The following PHF1 variants were observed in gnomAD, a reference collection of about 807,000 sequenced individuals.
PHF1 encodes the protein polycomb-like 1.
Under a neutral mutation model 69.4 loss-of-function variants are expected in PHF1, and 16 were observed. That is an observed-to-expected ratio of 0.23 (90% CI 0.16 to 0.35). The LOEUF is 0.35. Ranked by LOEUF, PHF1 falls within the 10% of genes least tolerant of loss-of-function variation. The probability of loss-of-function intolerance (pLI) is 1.00; values close to 1 mark genes in which losing one functional copy is unlikely to be tolerated. For missense variants in PHF1, 515 were observed against 732.8 expected (o/e 0.70, Z 3.43); for synonymous variants, 274 against 275.0 (o/e 1.00, Z 0.04).
Position 33,416,321 on chromosome 6 carries a change from T to G in PHF1, c.*223T>G. The G allele has an allele frequency of 2.1e-6, 1 of 476,700 alleles. No individual in the cohort carries two copies. The highest frequency in any genetic ancestry group is 3.7e-6 in the Non-Finnish European group (1 of 271,722). The allele number at this position is 476,700 out of a possible 1,614,324, so 29.5% of individuals were successfully genotyped here. On this transcript the variant is annotated 3_prime_UTR_variant, in exon 15 of 15. Transcript: ENST00000374516. ...CCTTCCCATTTCCTTTGATGTTATT[T>G]TGTTACAGCTTTTTAAATATTTTTT... is the stretch of plus-strand genomic sequence containing the variant.
At chr6:33,410,983 G>GTCCCTCCCCTCCC (rs1370006596), upstream of PHF1, 7 of 94,968 alleles carry the variant, frequency 7.4e-5, no homozygotes, top group African/African-American at 2.5e-4. Context: ...CAACCGGTCC[G>GTCCCTCCCCTCCC]TCCCTCCCCT....
intron 4 of PHF1, 139 bp from the exon 5 acceptor site, chr6:33,413,057 C>A (rs1334308099): frequency 3.6e-6 from 3 of 844,974 alleles, no homozygotes; most frequent in Non-Finnish European, 6.0e-6. Flanking sequence ...GCCTCAGTTC[C>A]CTGACTTGTA....
intron 14 of PHF1, 31 bp from the exon 15 acceptor site, chr6:33,415,779 C>T (rs757902427): frequency 1.3e-6 from 2 of 1,596,730 alleles, no homozygotes; most frequent in Non-Finnish European, 1.7e-6. Context: ...TCCATTTCTG[C>T]CCATTTCTTA....
chr6:33,412,676 G>A lies in PHF1; in HGVS notation c.242-22G>A. On this transcript the variant is annotated intron_variant, in intron 3 of 14. Transcript: ENST00000374516. The surrounding 1 kb of genome is among the most constrained non-coding windows in gnomAD (Gnocchi z 4.2). The stretch of plus-strand genomic sequence containing the variant: ...AGAAAGAGACTTAAAGGCAGGCCCT[G>A]TGACACTGTGTTCTCTCACAGCTGC... 6.2e-7 allele frequency: 1 copy of A among 1,612,938 alleles called. No individual in the cohort carries two copies. Among genetic ancestry groups the A allele is most frequent in the Non-Finnish European group, 8.5e-7 (1 of 1,178,862 alleles).
Position 33,414,410 on chromosome 6 carries a change from A to G in PHF1, c.876+44A>G. On this transcript the variant is annotated intron_variant, in intron 9 of 14. Coordinates refer to ENST00000374516, the MANE Select transcript of PHF1 (RefSeq NM_024165.3). This position sits in a 1 kb window ranked among gnomAD's most constrained non-coding sequence, Gnocchi z 5.0. ...TTGGGGGTTGGGATGGGACAGGGAG[A>G]TGTAGCGGAAAGGGGAAGAGAAGAA... 1 of 1,613,584 alleles carries G rather than the reference A, an allele frequency of 6.2e-7. No homozygotes were observed. The highest frequency in any genetic ancestry group is 1.1e-5 in the South Asian group (1 of 91,060).
At position 33,412,247 on chromosome 6, in the gene PHF1, GGCCCCCCCAGGATGCAATGGCGCA is replaced by G; in HGVS notation, c.-8_16del. 6.2e-7 allele frequency: 1 copy of G among 1,600,550 alleles called. No individual in the cohort carries two copies. Among genetic ancestry groups the G allele is most frequent in the Non-Finnish European group, 8.6e-7 (1 of 1,169,290 alleles). On this transcript the variant is annotated start_lost and splice_region_variant and 5_prime_UTR_variant, in exon 2 of 15. Coordinates refer to ENST00000374516, the MANE Select transcript of PHF1 (RefSeq NM_024165.3). The surrounding 1 kb of genome is among the most constrained non-coding windows in gnomAD (Gnocchi z 4.2). Reference sequence around the variant, plus strand: ...CTCCTCCCCATTTCTTTTCTGGCTAGGCCCCCCCAGGATGCAATGGCGCAGCCCCCCCGGCTGAGCCGCTCTGGT... The same window carrying G: ...CTCCTCCCCATTTCTTTTCTGGCTAGGCCCCCCCGGCTGAGCCGCTCTGGT...
upstream of PHF1, chr6:33,410,773 ATC>A (rs1363005322): frequency 1.3e-5 from 2 of 151,806 alleles, no homozygotes; most frequent in Non-Finnish European, 2.9e-5. Context: ...CCAAGGGCGA[ATC>A]TCAGGTCGGA....
At position 33,412,892 on chromosome 6, in the gene PHF1, GC is replaced by G; in HGVS notation, c.337+101del. ...CCTTAGTCCCCAAGCCACTGCTCTGGCCAGGCTGCTTAGCCTTATCTTAGTC... is the reference window on the plus strand; with the variant it reads ...CCTTAGTCCCCAAGCCACTGCTCTGGCAGGCTGCTTAGCCTTATCTTAGTC... On this transcript the variant is annotated intron_variant, in intron 4 of 14. Transcript: ENST00000374516. This position sits in a 1 kb window ranked among gnomAD's most constrained non-coding sequence, Gnocchi z 4.2. The G allele has an allele frequency of 9.7e-7, 1 of 1,025,832 alleles. No homozygotes were observed. The highest frequency in any genetic ancestry group is 1.5e-6 in the Non-Finnish European group (1 of 657,950). The allele number at this position is 1,025,832 out of a possible 1,614,324, so 63.5% of individuals were successfully genotyped here.
chr6:33,410,677 T>TG (rs1390284715), upstream of PHF1: 3 of 27,732 alleles, frequency 1.1e-4, no homozygotes, highest in Admixed American at 1.5e-3. Context: ...GGAGTGACCA[T>TG]GGGGGGTGGG....
At position 33,414,264 on chromosome 6, in the gene PHF1, C is replaced by T. The variant is rs1776279904; in HGVS notation, c.774C>T (p.Val258=). The T allele has an allele frequency of 6.2e-7, 1 of 1,614,110 alleles. No individual in the cohort carries two copies. The highest frequency in any genetic ancestry group is 8.5e-7 in the Non-Finnish European group (1 of 1,180,028). ...QLRWVDVAHL[V]LYHLSVCCKK... ...CCAGGGTGGATGTGGCCCATCTTGT[C>T]CTGTATCACCTCAGTGTTTGCTGTA... The change falls in exon 9 of 15, where the codon GTC becomes GTT. Residue 258 remains valine (V), a synonymous_variant. Coordinates refer to ENST00000374516, the MANE Select transcript of PHF1 (RefSeq NM_024165.3). The surrounding 1 kb of genome is among the most constrained non-coding windows in gnomAD (Gnocchi z 5.0).
chr6:33,414,159 C>T lies in PHF1; in HGVS notation c.752+50C>T. 6.2e-7 allele frequency: 1 copy of T among 1,613,680 alleles called. No homozygotes were observed. The highest frequency in any genetic ancestry group is 8.5e-7 in the Non-Finnish European group (1 of 1,179,606). ...AGTGTAACTCCACACCACAGTATTT[C>T]ACTCTATATGCCCCAACCTCCCACC... On this transcript the variant is annotated intron_variant, in intron 8 of 14. Coordinates refer to ENST00000374516, the MANE Select transcript of PHF1 (RefSeq NM_024165.3). This position sits in a 1 kb window ranked among gnomAD's most constrained non-coding sequence, Gnocchi z 5.0.
rs763179268 is a variant in PHF1 at position 33,415,382 on chromosome 6, C to G, written c.1334+53C>G. The G allele has an allele frequency of 2.8e-6, 4 of 1,419,076 alleles. No homozygotes were observed. The East Asian group carries it at 9.2e-5, about 32-fold the overall frequency. 87.9% of individuals were successfully genotyped at this position (1,419,076 alleles called of 1,614,324 possible). ...AAAATATGCTCCCAATTATTCACAT[C>G]TTCTGGACTTTATCACCCAGAATTC... On this transcript the variant is annotated intron_variant, in intron 13 of 14. Coordinates refer to ENST00000374516, the MANE Select transcript of PHF1 (RefSeq NM_024165.3).
In PHF1 at chr6:33,414,590, T is replaced by A; in HGVS notation, c.944+46T>A. The A allele has an allele frequency of 6.3e-7, 1 of 1,598,740 alleles. No homozygotes were observed. Among genetic ancestry groups the A allele is most frequent in the South Asian group, 1.1e-5 (1 of 90,706 alleles). The stretch of plus-strand genomic sequence containing the variant: ...GGCAAGGATGAGGCTCGGAAAGAGA[T>A]GGAGAGTGGAAGCCTGGAAGGGGAG... On this transcript the variant is annotated intron_variant, in intron 10 of 14. Coordinates refer to ENST00000374516, the MANE Select transcript of PHF1 (RefSeq NM_024165.3). This position sits in a 1 kb window ranked among gnomAD's most constrained non-coding sequence, Gnocchi z 5.0.
rs1164238936 is a variant in PHF1, at chr6:33,415,931, C to T, written c.1537C>T (p.Pro513Ser). ...PSPGLPRRSA[P>S]PSPLCRSLSP... Reference sequence around the variant, plus strand: ...CCCAGGTCTTCCTAGACGCTCAGCACCCCCTTCTCCCCTGTGCCGTAGTTT... The same window carrying T: ...CCCAGGTCTTCCTAGACGCTCAGCATCCCCTTCTCCCCTGTGCCGTAGTTT... Residue 513 changes from proline to serine, a missense_variant, in exon 15 of 15, where the codon CCC becomes TCC. Transcript: ENST00000374516. 4 of 1,614,024 alleles carry T rather than the reference C, an allele frequency of 2.5e-6. No individual in the cohort carries two copies. Among genetic ancestry groups the T allele is most frequent in the Non-Finnish European group, 3.4e-6 (4 of 1,180,000 alleles).
Position 33,412,589 on chromosome 6 carries a change from G to C in PHF1, c.241G>C (p.Ala81Pro), listed in dbSNP as rs767431959. The change falls in exon 3 of 15, where the codon GCT becomes CCT. Residue 81 changes from alanine (A) to proline (P), a missense_variant and splice_region_variant. Ala to Pro is a conservative substitution (Grantham distance 27, BLOSUM62 -1). Around this residue, in one of 5 missense-constraint regions of PHF1, gnomAD observed 25 missense variants for 21.5 expected, o/e 1.16. Coordinates refer to ENST00000374516, the MANE Select transcript of PHF1 (RefSeq NM_024165.3). This position sits in a 1 kb window ranked among gnomAD's most constrained non-coding sequence, Gnocchi z 4.2. ...FLVLWKDISP[A>P]ALPGEELLCC... Reference sequence around the variant, plus strand: ...GGTTCTATGGAAAGACATTAGCCCTGGTAAGACTCTAGAGACCTGAGATTG... The same window carrying C: ...GGTTCTATGGAAAGACATTAGCCCTCGTAAGACTCTAGAGACCTGAGATTG... The C allele has an allele frequency of 6.2e-7, 1 of 1,614,104 alleles. No individual in the cohort carries two copies. Among genetic ancestry groups the C allele is most frequent in the Non-Finnish European group, 8.5e-7 (1 of 1,179,982 alleles).
chr6:33,414,671 G>A lies in PHF1; in HGVS notation c.945-54G>A. On this transcript the variant is annotated intron_variant, in intron 10 of 14. Transcript: ENST00000374516. This position sits in a 1 kb window ranked among gnomAD's most constrained non-coding sequence, Gnocchi z 5.0. The stretch of plus-strand genomic sequence containing the variant: ...TGAAAAGGATTGAGGAATGGCGTAA[G>A]GAGGAACCGTTTTTTACAGCACTGA... 2 of 1,567,238 alleles carry A rather than the reference G, an allele frequency of 1.3e-6. No homozygotes were observed. The highest frequency in any genetic ancestry group is 1.8e-6 in the Non-Finnish European group (2 of 1,139,250).
At position 33,413,422 on chromosome 6, in the gene PHF1, TGAA is replaced by T. The variant is rs756666448; in HGVS notation, c.457_459del (p.Lys153del). The T allele has an allele frequency of 6.2e-7, 1 of 1,614,120 alleles. No individual in the cohort carries two copies. Among genetic ancestry groups the T allele is most frequent in the Admixed American group, 1.7e-5 (1 of 60,022 alleles). On this transcript the variant is annotated inframe_deletion, in exon 6 of 15. Transcript: ENST00000374516. ...CTGTCTCTGCAGAGGGGAGGTGCCC[TGAA>T]GAAGGGCCCCTATGCCCGGGCCATG...
Position 33,415,667 on chromosome 6 carries a change from A to G in PHF1, c.1412A>G (p.Asp471Gly). The G allele has an allele frequency of 6.2e-7, 1 of 1,613,942 alleles. No individual in the cohort carries two copies. Among genetic ancestry groups the G allele is most frequent in the Non-Finnish European group, 8.5e-7 (1 of 1,179,890 alleles). ...ACCTCTGGGGACAGTGGACCCCCAGACAGGTGAGATTCTGTCTTCTATTAC... is the reference window on the plus strand; with the variant it reads ...ACCTCTGGGGACAGTGGACCCCCAGGCAGGTGAGATTCTGTCTTCTATTAC... ...AGTSGDSGPP[D>G]RSPLELHIGF... Residue 471 changes from aspartate to glycine, a missense_variant, in exon 14 of 15, where the codon GAC becomes GGC. Physicochemically the swap from Asp to Gly is moderately conservative, Grantham distance 94 (BLOSUM62 -1). Around this residue, in one of 5 missense-constraint regions of PHF1, gnomAD observed 274 missense variants for 304.5 expected, o/e 0.90. Transcript: ENST00000374516.
chr6:33,410,632 G>A (rs1562846776), upstream of PHF1: 1 of 149,146 alleles, frequency 6.7e-6, no homozygotes, highest in Non-Finnish European at 1.5e-5. Context: ...TGAATGGAGG[G>A]CGGGGCTGTG....
Sources: gnomAD v4.1 joint callset for allele counts on GRCh38, gnomAD v4.1.1 for gene constraint, gnomAD v4.1.1 regional missense constraint, Gnocchi (gnomAD v3.1) non-coding constraint, MANE v1.5 for transcripts, NCBI Gene and HGNC (gene_info 2026-07-23, HGNC 2026-07-21) for gene names.